Variants in SEMA3D observed in about 807,000 individuals in gnomAD.
SEMA3D encodes semaphorin 3D, also known as semaphorin-3D.
SEMA3D carries 84 observed loss-of-function variants against 100.1 expected under a neutral mutation model. That is an observed-to-expected ratio of 0.84 (90% CI 0.70 to 1.01). The LOEUF (loss-of-function observed/expected upper bound fraction) is 1.01, where lower values mean the gene tolerates loss of function less well. Ranked by LOEUF, SEMA3D falls within the 50% of genes least tolerant of loss-of-function variation. The probability of loss-of-function intolerance (pLI) is 0.00; values close to 1 mark genes in which losing one functional copy is unlikely to be tolerated. For missense variants in SEMA3D, 875 were observed against 934.1 expected (o/e 0.94, Z 0.82); for synonymous variants, 312 against 320.7 (o/e 0.97, Z 0.29).
At chr7:85,187,717 G>A (rs1023961722), upstream of SEMA3D, among the ~76,000 whole-genome samples, 5 of 152,170 alleles carry the variant, frequency 3.3e-5, no homozygotes, top group Non-Finnish European at 5.9e-5. Context: ...AAGTTTTGAT[G>A]AACCTGGATC....
chr7:85,141,595 T>A, intron 2 of SEMA3D: 1 of 984,242 alleles, frequency 1.0e-6, no homozygotes, highest in Non-Finnish European at 1.2e-6. Flanking sequence ...TTCCCTTCTT[T>A]GTGATCTCTA....
chr7:85,150,457 C>A (rs1302486509), intron 2 of SEMA3D, among the ~76,000 whole-genome samples: 2 of 140,280 alleles, frequency 1.4e-5, no homozygotes, highest in Non-Finnish European at 3.1e-5. Flanking sequence ...TATATACACA[C>A]ACACATATAT....
At chr7:85,075,126 G>A (rs1172606467) in intron 5 of SEMA3D, among the ~76,000 whole-genome samples, 2 of 152,004 alleles carry the variant, frequency 1.3e-5, no homozygotes, top group Admixed American at 6.6e-5. Flanking sequence ...AAAGACATTC[G>A]TACATAGGGG....
intron 12 of SEMA3D, among the ~76,000 whole-genome samples, chr7:85,032,887 T>C (rs1790584533): frequency 6.6e-6 from 1 of 152,092 alleles, no homozygotes; most frequent in Admixed American, 6.6e-5. Context: ...GAAGGAGACT[T>C]GGTCTTTCTG....
At chr7:85,211,852 A>C in the SEMA3D span, among the ~76,000 whole-genome samples, 2 of 152,128 alleles carry the variant, frequency 1.3e-5, 1 homozygote, top group South Asian at 4.1e-4. Context: ...AAATAACATT[A>C]TCTTTTCTCT....
intron 8 of SEMA3D, among the ~76,000 whole-genome samples, chr7:85,064,113 G>T (rs773991679): frequency 6.6e-6 from 1 of 152,092 alleles, no homozygotes; most frequent in Non-Finnish European, 1.5e-5. Context: ...ACTTATTAAT[G>T]AATATGTTAC....
At chr7:85,196,371 T>G in the SEMA3D span, among the ~76,000 whole-genome samples, 2,166 of 151,582 alleles carry the variant, frequency 0.014, 46 homozygotes, top group African/African-American at 0.05. Flanking sequence ...CAAACAAACA[T>G]GGAAGAATAT....
chr7:84,996,133 A>C lies in SEMA3D; in HGVS notation c.*3307T>G, dbSNP rs2115669537. 1 of 152,128 alleles carries C rather than the reference A, an allele frequency of 6.6e-6. No homozygotes were observed. Among genetic ancestry groups the C allele is most frequent in the South Asian group, 2.1e-4 (1 of 4,832 alleles). 9.4% of individuals were successfully genotyped at this position (152,128 alleles called of 1,614,324 possible). A position where few individuals can be genotyped will look rare whatever the true frequency, so the allele number is the denominator to read the frequency against. Reference sequence around the variant, plus strand: ...AAATAAATATGAAATACAACATTTAAGTTTAAGAAAATCAGTATTTAATGA... The same window carrying C: ...AAATAAATATGAAATACAACATTTACGTTTAAGAAAATCAGTATTTAATGA... On this transcript the variant is annotated 3_prime_UTR_variant, in exon 19 of 19. Coordinates refer to ENST00000284136, the MANE Select transcript of SEMA3D (RefSeq NM_001384900.1).
intron 8 of SEMA3D, among the ~76,000 whole-genome samples, chr7:85,061,644 A>G (rs1377685848): frequency 1.3e-5 from 2 of 152,142 alleles, no homozygotes; most frequent in Non-Finnish European, 2.9e-5. Context: ...CATTTCTCAT[A>G]AAGGACAGAA....
At chr7:85,174,467 A>C (rs1583990031) in intron 1 of SEMA3D, among the ~76,000 whole-genome samples, 1 of 152,060 alleles carries the variant, frequency 6.6e-6, no homozygotes, top group African/African-American at 2.4e-5. Context: ...GTCACAAGAC[A>C]AAAAAACAGA....
intron 15 of SEMA3D, among the ~76,000 whole-genome samples, chr7:85,017,178 A>G (rs1215650190): frequency 1.3e-5 from 2 of 151,494 alleles, no homozygotes; most frequent in African/African-American, 2.4e-5. Context: ...TCTCCTTTTA[A>G]TATATCTGGT....
At chr7:85,242,218 T>C in the SEMA3D span, among the ~76,000 whole-genome samples, 2 of 152,124 alleles carry the variant, frequency 1.3e-5, no homozygotes, top group African/African-American at 4.8e-5. Context: ...TCGGCTTACA[T>C]TGAATTTAAT....
chr7:85,172,274 T>C (rs1041590123), intron 1 of SEMA3D, among the ~76,000 whole-genome samples: 2 of 151,910 alleles, frequency 1.3e-5, no homozygotes, highest in African/African-American at 4.8e-5. Flanking sequence ...TTGTAAATTA[T>C]TAAAATCTGA....
At chr7:85,235,898 C>T in the SEMA3D span, among the ~76,000 whole-genome samples, 1 of 152,150 alleles carries the variant, frequency 6.6e-6, no homozygotes, top group Non-Finnish European at 1.5e-5. Context: ...ATTTTATTTA[C>T]AGAAACATCC....
chr7:85,152,459 G>A (rs1377131512), intron 2 of SEMA3D, among the ~76,000 whole-genome samples: 1 of 152,126 alleles, frequency 6.6e-6, no homozygotes, highest in Non-Finnish European at 1.5e-5. Context: ...AAGAAGACAA[G>A]TTAACTACGA....
Position 85,007,022 on chromosome 7 carries a change from T to C in SEMA3D, c.1769-81A>G, listed in dbSNP as rs916934589. ...GGAAAACAGACTGATTCAGAACAGA[T>C]GCCATGGGGAAAGAATCATATACAT... On this transcript the variant is annotated intron_variant, in intron 17 of 18. Transcript: ENST00000284136. 22 of 1,034,330 alleles carry C rather than the reference T, an allele frequency of 2.1e-5. No individual in the cohort carries two copies. In the African/African-American group the frequency reaches 3.2e-4, roughly 15 times the overall value. The allele number at this position is 1,034,330 out of a possible 1,614,324, so 64.1% of individuals were successfully genotyped here.
chr7:85,027,018 G>A (rs552228158), intron 12 of SEMA3D, among the ~76,000 whole-genome samples: 2 of 152,124 alleles, frequency 1.3e-5, no homozygotes, highest in South Asian at 4.1e-4. Flanking sequence ...AAACCCAATT[G>A]TTGATATTAT....
intron 12 of SEMA3D, among the ~76,000 whole-genome samples, chr7:85,024,919 A>C (rs1010729532): frequency 5.9e-5 from 9 of 152,050 alleles, no homozygotes; most frequent in African/African-American, 2.2e-4. Flanking sequence ...GTATGTAGGT[A>C]AGAGTAAAGT....
At chr7:85,248,277 C>A in the SEMA3D span, among the ~76,000 whole-genome samples, 1 of 152,060 alleles carries the variant, frequency 6.6e-6, no homozygotes, top group African/African-American at 2.4e-5. Context: ...CAATGAGATA[C>A]TACTACACAC....
Sources: allele counts gnomAD v4.1 joint callset (sites outside exome capture counted in the v4.1 genomes callset), GRCh38; gene constraint gnomAD v4.1.1; transcripts MANE v1.5; gene names NCBI Gene and HGNC (gene_info 2026-07-23, HGNC 2026-07-21).